AGBL1: variants seen among roughly 807,000 people sequenced by gnomAD.
The protein encoded by AGBL1 is AGBL carboxypeptidase 1, also known as cytosolic carboxypeptidase 4.
In AGBL1, 130 loss-of-function variants were observed where a neutral mutation model predicts 118.9. The ratio of observed to expected loss-of-function variants is 1.09; its 90% CI spans 0.95 to 1.26. The LOEUF (loss-of-function observed/expected upper bound fraction) is 1.26, where lower values mean the gene tolerates loss of function less well. Among genes scored for constraint, AGBL1 ranks in the 50% most tolerant of loss-of-function variants. The probability of loss-of-function intolerance (pLI) is 0.00; values close to 1 mark genes in which losing one functional copy is unlikely to be tolerated. For missense variants in AGBL1, 1,584 were observed against 1,298.1 expected (o/e 1.22, Z -3.38); for synonymous variants, 555 against 478.9 (o/e 1.16, Z -2.08).
chr15:86,740,721 A>C (rs1596432508), intron 22 of AGBL1, among the ~76,000 whole-genome samples: 1 of 152,182 alleles, frequency 6.6e-6, no homozygotes, highest in East Asian at 1.9e-4. Flanking sequence ...AGATCAAGAA[A>C]AAGAAGGTGT....
chr15:86,614,009 T>C (rs2142396200), intron 21 of AGBL1, among the ~76,000 whole-genome samples: 1 of 152,268 alleles, frequency 6.6e-6, no homozygotes, highest in African/African-American at 2.4e-5. Flanking sequence ...GGGAAGAAAC[T>C]TATCCCGCTG....
intron 22 of AGBL1, among the ~76,000 whole-genome samples, chr15:86,843,429 G>C (rs185769563): frequency 7.2e-5 from 11 of 152,254 alleles, no homozygotes; most frequent in Admixed American, 3.3e-4. Flanking sequence ...ATGAAAAAGA[G>C]ATAGGGGTTG....
At chr15:86,937,838 A>G (rs1042708610) in intron 23 of AGBL1, among the ~76,000 whole-genome samples, 3 of 152,220 alleles carry the variant, frequency 2.0e-5, no homozygotes, top group Admixed American at 6.5e-5. Context: ...CCTGTAAAAT[A>G]TTACATGCTA....
chr15:86,244,063 G>GTAAGTAAA lies in AGBL1; in HGVS notation c.527-3605_527-3604insGTAAATAA, dbSNP rs146329361. Among the ~76,000 whole-genome samples the GTAAGTAAA allele has an allele frequency of 1.3e-4, 19 of 143,898 alleles. No homozygotes were observed. The South Asian group carries it at 1.5e-3, about 11-fold the overall frequency. The allele number at this position is 143,898 out of a possible 152,430, so 94.4% of individuals were successfully genotyped here. A position where few individuals can be genotyped will look rare whatever the true frequency, so the allele number is the denominator to read the frequency against. On this transcript the variant is annotated intron_variant, in intron 6 of 22. Coordinates refer to ENST00000614907, the MANE Select transcript of AGBL1 (RefSeq NM_001386094.1). ...GATAGATAGATAGATAGATAAATAA[G>GTAAGTAAA]TAAATAAATAAATAAATAAATAAAT...
At chr15:86,702,017 C>G (rs1025626089) in intron 22 of AGBL1, among the ~76,000 whole-genome samples, 29 of 150,642 alleles carry the variant, frequency 1.9e-4, no homozygotes, top group African/African-American at 7.1e-4. Context: ...CTACCCCAAC[C>G]CTTCTCTCCT....
chr15:86,258,780 C>A (rs1381241007), intron 9 of AGBL1, among the ~76,000 whole-genome samples: 4 of 152,064 alleles, frequency 2.6e-5, no homozygotes, highest in African/African-American at 9.7e-5. Context: ...GATCTTGGCT[C>A]ACTGCAACCT....
At chr15:86,644,450 T>G (rs567524641) in intron 21 of AGBL1, among the ~76,000 whole-genome samples, 8 of 152,302 alleles carry the variant, frequency 5.3e-5, no homozygotes, top group Admixed American at 3.3e-4. Context: ...ACTTACAAAC[T>G]TAATAGGTCA....
At chr15:86,694,645 G>A (rs888258184) in intron 22 of AGBL1, among the ~76,000 whole-genome samples, 1 of 151,986 alleles carries the variant, frequency 6.6e-6, no homozygotes, top group Non-Finnish European at 1.5e-5. Flanking sequence ...GAATAGAAGT[G>A]GTGAGAGTGG....
At chr15:86,302,776 C>T (rs2079770998) in intron 17 of AGBL1, among the ~76,000 whole-genome samples, 1 of 73,322 alleles carries the variant, frequency 1.4e-5, no homozygotes, top group Non-Finnish European at 2.6e-5. Context: ...GGGACCCTGT[C>T]TCAAAAAAAA....
At chr15:86,098,847 A>C (rs1896541676) in intron 1 of AGBL1, among the ~76,000 whole-genome samples, 1 of 152,106 alleles carries the variant, frequency 6.6e-6, no homozygotes, top group African/African-American at 2.4e-5. Context: ...ATTCTGTGAA[A>C]AATAACATTG....
At chr15:86,274,775 C>T (rs1171696601) in intron 15 of AGBL1, among the ~76,000 whole-genome samples, 2 of 152,294 alleles carry the variant, frequency 1.3e-5, no homozygotes, top group South Asian at 2.1e-4. Context: ...AGGCTGACAT[C>T]GAGACAGCCA....
intron 6 of AGBL1, among the ~76,000 whole-genome samples, chr15:86,236,915 A>G (rs1271276180): frequency 6.0e-5 from 3 of 50,074 alleles, no homozygotes; most frequent in Non-Finnish European, 1.2e-4. Flanking sequence ...TGTTCCACAC[A>G]CACGGGGATA....
At chr15:86,832,586 G>T (rs773853514) in intron 22 of AGBL1, among the ~76,000 whole-genome samples, 9 of 152,142 alleles carry the variant, frequency 5.9e-5, no homozygotes, top group Non-Finnish European at 1.2e-4. Flanking sequence ...CCAAAACATA[G>T]AAAGAGTCAC....
chr15:86,887,296 G>A lies in AGBL1; in HGVS notation c.3159-19791G>A, dbSNP rs143654894. Among the ~76,000 whole-genome samples the A allele has an allele frequency of 1.9e-3, 282 of 151,576 alleles. 7 individuals carry two copies. In the East Asian group the frequency reaches 0.038, roughly 20 times the overall value. On this transcript the variant is annotated intron_variant, in intron 22 of 22. Coordinates refer to ENST00000614907, the MANE Select transcript of AGBL1 (RefSeq NM_001386094.1). ...CTATCTATCATTTATCTATCAAATC[G>A]ATCTATCTTGGCTGTTACTTTTAAA...
chr15:86,452,606 G>A (rs1234298920), intron 18 of AGBL1, among the ~76,000 whole-genome samples: 5 of 152,084 alleles, frequency 3.3e-5, no homozygotes, highest in Non-Finnish European at 5.9e-5. Context: ...ACATCCTAGT[G>A]CACAGAGAAA....
intron 22 of AGBL1, among the ~76,000 whole-genome samples, chr15:86,818,102 GTGTA>G (rs1179414567): frequency 3.3e-5 from 5 of 151,712 alleles, no homozygotes; most frequent in African/African-American, 1.2e-4. Context: ...GTGCGTGTGC[GTGTA>G]TGTGACACAC....
rs199973985 is a variant in AGBL1 at position 86,526,561 on chromosome 15, TATATATATATATACAC to T, written c.2685+3624_2685+3639del. ...GTGTCTGTGTATATATATATATATA[TATATATATATATACAC>T]ACAGAGTATATATATGTATATAGTG... On this transcript the variant is annotated intron_variant, in intron 19 of 22. Coordinates refer to ENST00000614907, the MANE Select transcript of AGBL1 (RefSeq NM_001386094.1). 8.9e-3 allele frequency among the ~76,000 whole-genome samples: 1,251 copies of T among 140,662 alleles called. 9 individuals are homozygous for T. Among genetic ancestry groups the T allele is most frequent in the Non-Finnish European group, 0.014 (894 of 65,850 alleles). The allele number at this position is 140,662 out of a possible 152,430, so 92.3% of individuals were successfully genotyped here. A position where few individuals can be genotyped will look rare whatever the true frequency, so the allele number is the denominator to read the frequency against.
intron 18 of AGBL1, among the ~76,000 whole-genome samples, chr15:86,415,185 C>A (rs2081674311): frequency 6.6e-6 from 1 of 152,098 alleles, no homozygotes; most frequent in Admixed American, 6.6e-5. Flanking sequence ...CTTTGTACTC[C>A]CCACCAATGA....
intron 21 of AGBL1, among the ~76,000 whole-genome samples, chr15:86,658,057 G>A (rs2142509664): frequency 6.6e-6 from 1 of 151,820 alleles, no homozygotes; most frequent in South Asian, 2.1e-4. Flanking sequence ...TATTGTATAT[G>A]CATATATATA....
Sources: gnomAD v4.1 joint callset for allele counts (sites outside exome capture counted in the v4.1 genomes callset) on GRCh38, gnomAD v4.1.1 for gene constraint, MANE v1.5 for transcripts, NCBI Gene and HGNC (gene_info 2026-07-23, HGNC 2026-07-21) for gene names.